PAPOLA: variants seen among roughly 807,000 people sequenced by gnomAD.
PAPOLA encodes the protein polynucleotide adenylyltransferase alpha.
A neutral mutation model predicts 100.6 loss-of-function variants in PAPOLA; 15 were observed. The observed-to-expected ratio is 0.15, with a 90% CI of 0.10 to 0.23. The LOEUF (loss-of-function observed/expected upper bound fraction) is 0.23. Ranked by LOEUF, PAPOLA falls within the 10% of genes least tolerant of loss-of-function variation. The pLI is 1.00. For synonymous variants in PAPOLA, 293 were observed against 300.0 expected (o/e 0.98, Z 0.24); for missense variants, 533 against 884.2 (o/e 0.60, Z 5.04).
In PAPOLA at chr14:96,566,973, C is replaced by T. The variant is rs1335210221; in HGVS notation, c.*1923C>T. 4 of 152,420 alleles carry T rather than the reference C, an allele frequency of 2.6e-5. No homozygotes were observed. Among genetic ancestry groups the T allele is most frequent in the East Asian group, 1.9e-4 (1 of 5,190 alleles). 9.4% of individuals were successfully genotyped at this position (152,420 alleles called of 1,614,324 possible). A position where few individuals can be genotyped will look rare whatever the true frequency, so the allele number is the denominator to read the frequency against. On this transcript the variant is annotated 3_prime_UTR_variant, in exon 22 of 22. Transcript: ENST00000216277. ...AACCTGGAGATCAGACTGTTGCTTT[C>T]GCATGATGTATGTAGTGTCTCATGA...
At chr14:96,552,022 T>A (rs949574422) in intron 16 of PAPOLA, among the ~76,000 whole-genome samples, 3 of 152,086 alleles carry the variant, frequency 2.0e-5, no homozygotes, top group Non-Finnish European at 4.4e-5. Flanking sequence ...ATTAAAAAAA[T>A]TTTATATTTA....
intron 1 of PAPOLA, among the ~76,000 whole-genome samples, chr14:96,507,447 C>T (rs1176704665): frequency 6.6e-6 from 1 of 151,556 alleles, no homozygotes; most frequent in Non-Finnish European, 1.5e-5. Flanking sequence ...GCCACTGCGC[C>T]CGGCTAATTT....
intron 12 of PAPOLA, among the ~76,000 whole-genome samples, chr14:96,540,823 A>G (rs1049418448): frequency 3.3e-5 from 5 of 152,258 alleles, no homozygotes; most frequent in Admixed American, 3.3e-4. Context: ...ATCCCATTTT[A>G]CAGATGATGT....
At chr14:96,554,101 A>G (rs2140323997) in intron 17 of PAPOLA, among the ~76,000 whole-genome samples, 1 of 152,286 alleles carries the variant, frequency 6.6e-6, no homozygotes, top group Non-Finnish European at 1.5e-5. Context: ...CAAATATAAA[A>G]TGTGTACAAC....
chr14:96,555,918 C>A lies in PAPOLA; in HGVS notation c.1736C>A (p.Pro579Gln). The change falls in exon 18 of 22, where the codon CCA (proline) becomes CAA (glutamine). Residue 579 changes from proline (P) to glutamine (Q), a missense_variant. Around this residue, in one of 9 missense-constraint regions of PAPOLA, gnomAD observed 242 missense variants for 281.0 expected, o/e 0.86. Coordinates refer to ENST00000216277, the MANE Select transcript of PAPOLA (RefSeq NM_032632.5). ...TNIQATEVSV[P>Q]QVNSSESSGG... is the part of the protein sequence containing the mutation. ...ATACAGGCTACTGAAGTTTCTGTGCCACAAGTAAATTCCAGTGAAAGCTCA... is the reference window on the plus strand; with the variant it reads ...ATACAGGCTACTGAAGTTTCTGTGCAACAAGTAAATTCCAGTGAAAGCTCA... 6.2e-7 allele frequency: 1 copy of A among 1,609,058 alleles called. No homozygotes were observed. The highest frequency in any genetic ancestry group is 1.1e-5 in the South Asian group (1 of 90,970).
chr14:96,547,302 A>T (rs918409547), intron 15 of PAPOLA, among the ~76,000 whole-genome samples: 3 of 151,716 alleles, frequency 2.0e-5, no homozygotes, highest in Non-Finnish European at 4.4e-5. Context: ...TGTACCTGTG[A>T]CCTCTGTTAT....
intron 1 of PAPOLA, among the ~76,000 whole-genome samples, chr14:96,511,564 A>G (rs1027420926): frequency 6.6e-6 from 1 of 152,118 alleles, no homozygotes; most frequent in Non-Finnish European, 1.5e-5. Flanking sequence ...TCATGATTTT[A>G]TCTTTGTTTC....
chr14:96,507,014 G>A (rs1303845455), intron 1 of PAPOLA, among the ~76,000 whole-genome samples: 1 of 152,136 alleles, frequency 6.6e-6, no homozygotes, highest in Non-Finnish European at 1.5e-5. Context: ...CACTATGGGA[G>A]GCCGAGGTGG....
rs372406532 is a variant in PAPOLA, at chr14:96,520,017, A to T, written c.9-38A>T. 9 of 1,508,178 alleles carry T rather than the reference A, an allele frequency of 6.0e-6. No individual in the cohort carries two copies. In the African/African-American group the frequency reaches 1.1e-4, roughly 19 times the overall value. The allele number at this position is 1,508,178 out of a possible 1,614,324, so 93.4% of individuals were successfully genotyped here. A position where few individuals can be genotyped will look rare whatever the true frequency, so the allele number is the denominator to read the frequency against. Reference sequence around the variant, plus strand: ...TTACTGATTTGTTTCAAATTGTAGAATTCTTTTGGCAGTAATTGTATCCAA... The same window carrying T: ...TTACTGATTTGTTTCAAATTGTAGATTTCTTTTGGCAGTAATTGTATCCAA... On this transcript the variant is annotated intron_variant, in intron 1 of 21. Transcript: ENST00000216277.
chr14:96,507,286 T>TGTTTTTTTG (rs1566829519), intron 1 of PAPOLA, among the ~76,000 whole-genome samples: 2 of 117,834 alleles, frequency 1.7e-5, no homozygotes, highest in African/African-American at 6.9e-5. Context: ...AATAGTTTTT[T>TGTTTTTTTG]TTTTTTTTTT....
rs1426306092 is a variant in PAPOLA, at chr14:96,523,481, A to G, written c.250-1829A>G. Among the ~76,000 whole-genome samples the G allele has an allele frequency of 2.0e-5, 3 of 152,358 alleles. No individual in the cohort carries two copies. The East Asian group carries it at 5.8e-4, about 29-fold the overall frequency. ...ATTCTTCAAAAGATTGTTATGTCTTAATAGAGAAGTCTGTGGACCAGTGTT... is the reference window on the plus strand; with the variant it reads ...ATTCTTCAAAAGATTGTTATGTCTTGATAGAGAAGTCTGTGGACCAGTGTT... On this transcript the variant is annotated intron_variant, in intron 3 of 21. Transcript: ENST00000216277.
chr14:96,520,346 A>C (rs1161652012), intron 2 of PAPOLA, 118 bp downstream of exon 2: 2 of 748,876 alleles, frequency 2.7e-6, no homozygotes. Context: ...AGATCTATAT[A>C]TCTGTTTTGG....
intron 12 of PAPOLA, among the ~76,000 whole-genome samples, chr14:96,538,334 A>C (rs1371609630): frequency 1.3e-5 from 2 of 151,994 alleles, no homozygotes; most frequent in South Asian, 4.1e-4. Flanking sequence ...ACTTTAAGAA[A>C]GATTAATGTT....
At chr14:96,514,472 C>T (rs890159295) in intron 1 of PAPOLA, among the ~76,000 whole-genome samples, 9 of 152,162 alleles carry the variant, frequency 5.9e-5, no homozygotes, top group Non-Finnish European at 1.0e-4. Flanking sequence ...TGTGCCACCA[C>T]GCCCAGCCTA....
At chr14:96,536,860 T>C (rs573976689) in intron 11 of PAPOLA, 116 bp from the exon 12 acceptor site, 2 of 635,750 alleles carry the variant, frequency 3.1e-6, no homozygotes, top group South Asian at 2.0e-5. Flanking sequence ...TAAAACTATA[T>C]ATGTTAAAAT....
intron 12 of PAPOLA, among the ~76,000 whole-genome samples, chr14:96,539,676 G>C (rs1015435682): frequency 2.0e-5 from 3 of 152,090 alleles, no homozygotes; most frequent in African/African-American, 7.2e-5. Context: ...TCATAAACAT[G>C]ACAGTTTTAA....
Position 96,525,369 on chromosome 14 carries a change from C to T in PAPOLA, c.309C>T (p.Tyr103=), listed in dbSNP as rs994326008. ...GAAAAATTTTTACATTTGGATCTTACAGATTAGGAGTGCATACAAAAGGTA... is the reference window on the plus strand; with the variant it reads ...GAAAAATTTTTACATTTGGATCTTATAGATTAGGAGTGCATACAAAAGGTA... ...VGGKIFTFGS[Y]RLGVHTKGAD... The change falls in exon 4 of 22, where the codon TAC becomes TAT. Residue 103 remains tyrosine (Y), a synonymous_variant. Coordinates refer to ENST00000216277, the MANE Select transcript of PAPOLA (RefSeq NM_032632.5). 2.0e-6 allele frequency: 3 copies of T among 1,467,614 alleles called. No individual in the cohort carries two copies. Among genetic ancestry groups the T allele is most frequent in the African/African-American group, 2.8e-5 (2 of 71,168 alleles). 90.9% of individuals were successfully genotyped at this position (1,467,614 alleles called of 1,614,324 possible). A position where few individuals can be genotyped will look rare whatever the true frequency, so the allele number is the denominator to read the frequency against.
At chr14:96,544,390 G>C (rs562931243) in intron 15 of PAPOLA, 132 bp downstream of exon 15, 1 of 594,536 alleles carries the variant, frequency 1.7e-6, no homozygotes, top group African/African-American at 1.9e-5. Context: ...CAGAATAATG[G>C]TTTTGTATTA....
At chr14:96,524,598 G>A (rs1421862583) in intron 3 of PAPOLA, among the ~76,000 whole-genome samples, 2 of 151,620 alleles carry the variant, frequency 1.3e-5, no homozygotes, top group Admixed American at 1.3e-4. Flanking sequence ...CATGGCTCAC[G>A]TAGCCTTGAC....
Sources: allele counts gnomAD v4.1 joint callset (sites outside exome capture counted in the v4.1 genomes callset), GRCh38; gene constraint gnomAD v4.1.1; regional missense constraint gnomAD v4.1.1; transcripts MANE v1.5; gene names NCBI Gene and HGNC (gene_info 2026-07-23, HGNC 2026-07-21).